MAF: variants seen among roughly 807,000 people sequenced by gnomAD.
MAF encodes the protein MAF bZIP transcription factor.
MAF carries 10 observed loss-of-function variants against 22.0 expected under a neutral mutation model. The ratio of observed to expected loss-of-function variants is 0.45; its 90% confidence interval spans 0.28 to 0.77. The LOEUF (loss-of-function observed/expected upper bound fraction) is 0.77, where lower values mean the gene tolerates loss of function less well. Ranked by LOEUF, MAF falls within the 30% of genes least tolerant of loss-of-function variation. The pLI, the probability that MAF is intolerant of heterozygous loss-of-function variation, is 0.12. For missense variants in MAF, 544 were observed against 548.4 expected (o/e 0.99, Z 0.08); for synonymous variants, 337 against 255.8 (o/e 1.32, Z -3.03).
the MAF span, among the ~76,000 whole-genome samples, chr16:79,492,994 T>C: frequency 6.6e-6 from 1 of 152,020 alleles, no homozygotes; most frequent in Non-Finnish European, 1.5e-5. Context: ...AGACTCACTC[T>C]GTCATCCAGG....
chr16:79,384,891 C>G, the MAF span, among the ~76,000 whole-genome samples: 1 of 152,168 alleles, frequency 6.6e-6, no homozygotes. Flanking sequence ...CTTGTGCAAA[C>G]AAAATTCTAA....
the MAF span, among the ~76,000 whole-genome samples, chr16:79,491,708 T>C: frequency 6.6e-6 from 1 of 152,140 alleles, no homozygotes. Flanking sequence ...TGATGAACAA[T>C]TTTTCTTGAG....
chr16:79,265,974 T>A, the MAF span, among the ~76,000 whole-genome samples: 1 of 152,192 alleles, frequency 6.6e-6, no homozygotes, highest in Non-Finnish European at 1.5e-5. Context: ...GAATTCAACT[T>A]TTCTTTTTCT....
the MAF span, among the ~76,000 whole-genome samples, chr16:79,557,189 G>C: frequency 7.4e-6 from 1 of 134,618 alleles, no homozygotes; most frequent in African/African-American, 2.7e-5. Flanking sequence ...CAATTCCATT[G>C]CTAGTGCCAG....
the MAF span, among the ~76,000 whole-genome samples, chr16:79,564,769 G>C: frequency 6.6e-6 from 1 of 152,200 alleles, no homozygotes. Context: ...ACCTTGACCA[G>C]TCCAAACCTG....
the MAF span, among the ~76,000 whole-genome samples, chr16:79,501,687 G>GA: frequency 6.6e-6 from 1 of 152,030 alleles, no homozygotes; most frequent in African/African-American, 2.4e-5. Context: ...ATTTCCACCA[G>GA]AAAAAAATTG....
At chr16:79,595,760 C>T in intron 1 of MAF, 2 of 1,056,758 alleles carry the variant, frequency 1.9e-6, no homozygotes, top group Non-Finnish European at 2.3e-6. Flanking sequence ...ATAGCATGAT[C>T]TGAAATCATT....
At chr16:79,444,815 G>A in the MAF span, among the ~76,000 whole-genome samples, 4 of 152,144 alleles carry the variant, frequency 2.6e-5, no homozygotes, top group African/African-American at 7.2e-5. Context: ...TAGTTTCAGA[G>A]TCCATTGGAA....
At chr16:79,244,834 T>G in the MAF span, among the ~76,000 whole-genome samples, 1 of 151,948 alleles carries the variant, frequency 6.6e-6, no homozygotes, top group Non-Finnish European at 1.5e-5. Flanking sequence ...ATGGCTACAG[T>G]AACAAAACAG....
chr16:79,543,018 A>ATC, the MAF span, among the ~76,000 whole-genome samples: 1 of 152,086 alleles, frequency 6.6e-6, no homozygotes, highest in African/African-American at 2.4e-5. Context: ...TTCTCTCTCC[A>ATC]TCTCTCTCTC....
At chr16:79,253,101 G>T in the MAF span, among the ~76,000 whole-genome samples, 1 of 152,106 alleles carries the variant, frequency 6.6e-6, no homozygotes, top group Non-Finnish European at 1.5e-5. Flanking sequence ...ATAATTACCC[G>T]GTCCTCCTGG....
chr16:79,402,095 T>C, the MAF span, among the ~76,000 whole-genome samples: 1 of 152,168 alleles, frequency 6.6e-6, no homozygotes, highest in African/African-American at 2.4e-5. Flanking sequence ...ACTCTGTCAT[T>C]CTCTAGCTGC....
At chr16:79,596,749 GA>G in intron 1 of MAF, 1 of 1,045,150 alleles carries the variant, frequency 9.6e-7, no homozygotes, top group Non-Finnish European at 1.2e-6. Flanking sequence ...TAAAACTGTG[GA>G]TTTTTTTTTA....
intron 1 of MAF, chr16:79,595,911 C>T (rs1467106998): frequency 9.4e-7 from 1 of 1,058,426 alleles, no homozygotes; most frequent in African/African-American, 1.6e-5. Context: ...GACAAATGAT[C>T]TTCAGTGTTA....
chr16:79,564,906 G>C, the MAF span, among the ~76,000 whole-genome samples: 2 of 152,136 alleles, frequency 1.3e-5, no homozygotes, highest in Non-Finnish European at 2.9e-5. Context: ...AGGAATAAAG[G>C]GCTGCACACT....
chr16:79,211,557 C>T, the MAF span: 1 of 1,612,310 alleles, frequency 6.2e-7, no homozygotes, highest in Non-Finnish European at 8.5e-7. Context: ...GACGCCATCT[C>T]ATCACTCCTT....
At chr16:79,569,308 C>A in the MAF span, among the ~76,000 whole-genome samples, 2 of 152,294 alleles carry the variant, frequency 1.3e-5, no homozygotes, top group South Asian at 4.1e-4. Flanking sequence ...ACCAAAAATG[C>A]CTTCAGACAT....
the MAF span, among the ~76,000 whole-genome samples, chr16:79,326,339 G>A: frequency 1.3e-5 from 2 of 152,110 alleles, no homozygotes; most frequent in Non-Finnish European, 2.9e-5. Context: ...AATTTAAGAT[G>A]TTTTGTCCAA....
chr16:79,597,544 G>A (rs1913606805), intron 1 of MAF: 18 of 1,022,832 alleles, frequency 1.8e-5, no homozygotes, highest in Non-Finnish European at 2.1e-5. Context: ...ACCCATTCTG[G>A]TATCTTTGAC....
Sources: allele counts gnomAD v4.1 joint callset (sites outside exome capture counted in the v4.1 genomes callset), GRCh38; gene constraint gnomAD v4.1.1; transcripts MANE v1.5; gene names NCBI Gene and HGNC (gene_info 2026-07-23, HGNC 2026-07-21).